Variants in HSD17B12 observed in about 807,000 individuals in gnomAD.
HSD17B12 encodes hydroxysteroid 17-beta dehydrogenase 12.
A neutral mutation model predicts 39.3 loss-of-function variants in HSD17B12; 32 were observed. The ratio of observed to expected loss-of-function variants is 0.81; its 90% CI spans 0.61 to 1.09. HSD17B12 has a LOEUF of 1.09. HSD17B12 is among the 50% of genes least tolerant of loss of function. The pLI is 0.00. For missense variants in HSD17B12, 342 were observed against 382.9 expected, an observed-to-expected ratio of 0.89 and a Z score of 0.89; for synonymous variants, 150 against 146.7, an observed-to-expected ratio of 1.02 and a Z score of -0.16.
intron 3 of HSD17B12, among the ~76,000 whole-genome samples, chr11:43,764,874 T>C (rs978669902): frequency 6.6e-6 from 1 of 152,168 alleles, no homozygotes; most frequent in African/African-American, 2.4e-5. Flanking sequence ...TTTCTGCCTT[T>C]TAATCGGGGT....
the HSD17B12 span, among the ~76,000 whole-genome samples, chr11:43,560,923 C>CA: frequency 1.4e-4 from 21 of 151,108 alleles, no homozygotes; most frequent in South Asian, 8.4e-4. Context: ...GAATCCGCAG[C>CA]AAAAAAAAAC....
chr11:43,667,435 G>A, the HSD17B12 span, among the ~76,000 whole-genome samples: 14 of 152,020 alleles, frequency 9.2e-5, no homozygotes, highest in African/African-American at 1.4e-4. Context: ...GAACCACACC[G>A]CACCTAGCCT....
chr11:43,812,144 C>T (rs1475728362), intron 4 of HSD17B12, among the ~76,000 whole-genome samples: 1 of 152,142 alleles, frequency 6.6e-6, no homozygotes, highest in African/African-American at 2.4e-5. Context: ...AAGTCAATTC[C>T]TTATCTTTGC....
In HSD17B12 at chr11:43,734,928, T is replaced by C. The variant is rs12274315; in HGVS notation, c.161-15983T>C. ...CACCATACCCACTAAGCAGTCCCTC[T>C]CTATCCTCCCATCCACAGTCCCTGG... On this transcript the variant is annotated intron_variant, in intron 1 of 10. Coordinates refer to ENST00000278353, the MANE Select transcript of HSD17B12 (RefSeq NM_016142.3). Among the ~76,000 whole-genome samples, 609 of 152,336 alleles carry C rather than the reference T, an allele frequency of 4.0e-3. 1 individual carries two copies. The highest frequency in any genetic ancestry group is 0.014 in the African/African-American group (580 of 41,580).
the HSD17B12 span, among the ~76,000 whole-genome samples, chr11:43,565,248 C>T: frequency 3.9e-5 from 6 of 152,264 alleles, no homozygotes; most frequent in East Asian, 1.9e-4. Context: ...GAGGAAGTGG[C>T]GCCTTCACGT....
At chr11:43,818,662 CAT>C (rs1951152987) in intron 6 of HSD17B12, among the ~76,000 whole-genome samples, 2 of 152,166 alleles carry the variant, frequency 1.3e-5, no homozygotes, top group South Asian at 4.1e-4. Flanking sequence ...GTTTTTTTCT[CAT>C]ATAAGATTCA....
At chr11:43,787,650 T>C (rs1950827709) in intron 3 of HSD17B12, among the ~76,000 whole-genome samples, 1 of 151,782 alleles carries the variant, frequency 6.6e-6, no homozygotes, top group Admixed American at 6.6e-5. Flanking sequence ...GGCAGGAGAA[T>C]TGCTTGAACC....
intron 1 of HSD17B12, among the ~76,000 whole-genome samples, chr11:43,705,853 C>G (rs1472686969): frequency 6.7e-6 from 1 of 150,212 alleles, no homozygotes; most frequent in African/African-American, 2.5e-5. Context: ...TCTTCACCTC[C>G]CCGGCTCAAA....
At chr11:43,608,495 C>T in the HSD17B12 span, among the ~76,000 whole-genome samples, 4 of 152,044 alleles carry the variant, frequency 2.6e-5, no homozygotes, top group African/African-American at 4.8e-5. Context: ...CCAGAGCTAA[C>T]ATCTTATTGT....
the HSD17B12 span, chr11:43,644,638 A>G: frequency 9.8e-5 from 15 of 152,502 alleles, no homozygotes; most frequent in Non-Finnish European, 1.8e-4. Flanking sequence ...TCATGGCCCT[A>G]TTTGGGGTTG....
chr11:43,675,483 A>T, the HSD17B12 span, among the ~76,000 whole-genome samples: 1 of 152,196 alleles, frequency 6.6e-6, no homozygotes. Context: ...AAGTGAGCAC[A>T]GGAGAGGGTG....
chr11:43,682,567 CAGAA>C (rs1421277614), intron 1 of HSD17B12, among the ~76,000 whole-genome samples: 1 of 126,622 alleles, frequency 7.9e-6, no homozygotes, highest in Non-Finnish European at 1.7e-5. Flanking sequence ...AAAAAAAAAA[CAGAA>C]AGTGAAGTAT....
At chr11:43,566,590 C>T in the HSD17B12 span, among the ~76,000 whole-genome samples, 23 of 151,772 alleles carry the variant, frequency 1.5e-4, no homozygotes, top group South Asian at 6.2e-4. Context: ...AGTGCAGTGG[C>T]GCAATCTTGG....
chr11:43,769,863 C>T (rs944103383), intron 3 of HSD17B12, among the ~76,000 whole-genome samples: 1 of 152,206 alleles, frequency 6.6e-6, no homozygotes, highest in African/African-American at 2.4e-5. Flanking sequence ...TTGCTTTGAT[C>T]AGTTTTGTAA....
intron 1 of HSD17B12, among the ~76,000 whole-genome samples, chr11:43,715,381 A>G (rs1950111547): frequency 6.6e-6 from 1 of 152,156 alleles, no homozygotes; most frequent in Non-Finnish European, 1.5e-5. Flanking sequence ...TATTGAGATA[A>G]TCATGTGGTT....
chr11:43,563,175 G>A, the HSD17B12 span, among the ~76,000 whole-genome samples: 17 of 152,076 alleles, frequency 1.1e-4, no homozygotes, highest in Admixed American at 7.9e-4. Context: ...AACTCAACAC[G>A]AACTTCTGTA....
the HSD17B12 span, among the ~76,000 whole-genome samples, chr11:43,563,711 T>C: frequency 6.6e-6 from 1 of 152,090 alleles, no homozygotes; most frequent in African/African-American, 2.4e-5. Flanking sequence ...CCAGCTACTC[T>C]GGAGGCTGAG....
intron 9 of HSD17B12, among the ~76,000 whole-genome samples, chr11:43,843,524 C>T (rs145906973): frequency 7.5e-4 from 115 of 152,356 alleles, no homozygotes; most frequent in Non-Finnish European, 1.5e-3. Context: ...TTTCTTGCCA[C>T]TCCATTGTCC....
the HSD17B12 span, among the ~76,000 whole-genome samples, chr11:43,605,692 T>C: frequency 1.3e-5 from 2 of 152,122 alleles, no homozygotes; most frequent in African/African-American, 4.8e-5. Flanking sequence ...CATAACTGCC[T>C]ATCTGTATCA....
Sources: allele counts gnomAD v4.1 joint callset (sites outside exome capture counted in the v4.1 genomes callset), GRCh38; gene constraint gnomAD v4.1.1; transcripts MANE v1.5; gene names NCBI Gene and HGNC (gene_info 2026-07-23, HGNC 2026-07-21).